BCR: variants seen among roughly 807,000 people sequenced by gnomAD.
BCR encodes BCR activator of RhoGEF and GTPase.
Under a neutral mutation model 138.6 loss-of-function variants are expected in BCR, and 58 were observed. The observed-to-expected ratio is 0.42, with a 90% CI of 0.34 to 0.52. The LOEUF (loss-of-function observed/expected upper bound fraction) is 0.52, where lower values mean the gene tolerates loss of function less well. Ranked by LOEUF, BCR falls within the 20% of genes least tolerant of loss-of-function variation. The pLI is 0.06. For synonymous variants in BCR, 786 were observed against 730.1 expected (o/e 1.08, Z -1.23); for missense variants, 1,599 against 1,727.2 (o/e 0.93, Z 1.32).
chr22:23,217,099 A>AT, intron 1 of BCR: 1 of 435,574 alleles, frequency 2.3e-6, no homozygotes, highest in Non-Finnish European at 4.6e-6. Flanking sequence ...CCACCACAGG[A>AT]TTTTAGTTAC....
chr22:23,205,279 C>T (rs146525067), intron 1 of BCR, among the ~76,000 whole-genome samples: 41 of 152,318 alleles, frequency 2.7e-4, no homozygotes, highest in Non-Finnish European at 4.9e-4. Context: ...AACGTTGTCA[C>T]TCCTGTGGGG....
chr22:23,214,751 C>T (rs371935872), intron 1 of BCR, among the ~76,000 whole-genome samples: 3 of 152,328 alleles, frequency 2.0e-5, no homozygotes, highest in African/African-American at 7.2e-5. Context: ...TTGTCCAAAC[C>T]TGCATTTGGA....
intron 1 of BCR, among the ~76,000 whole-genome samples, chr22:23,241,756 A>G (rs909340617): frequency 6.6e-6 from 1 of 152,102 alleles, no homozygotes; most frequent in Non-Finnish European, 1.5e-5. Flanking sequence ...TGGAGTGACC[A>G]TCGCAGAAGC....
At chr22:23,247,284 G>C (rs906174948) in intron 1 of BCR, among the ~76,000 whole-genome samples, 1 of 152,194 alleles carries the variant, frequency 6.6e-6, no homozygotes, top group Non-Finnish European at 1.5e-5. Flanking sequence ...CGAGCCACCG[G>C]ATGTTTGATC....
intron 16 of BCR, among the ~76,000 whole-genome samples, chr22:23,300,559 G>A (rs553736878): frequency 6.6e-6 from 1 of 152,280 alleles, no homozygotes; most frequent in South Asian, 2.1e-4. Context: ...GCTGTTGCCA[G>A]GCACATCCAT....
At chr22:23,213,558 C>T (rs2072712079) in intron 1 of BCR, among the ~76,000 whole-genome samples, 1 of 152,202 alleles carries the variant, frequency 6.6e-6, no homozygotes. Context: ...CGTGGTGGCT[C>T]ACGCCTGTAA....
At chr22:23,263,132 G>C in intron 4 of BCR, 1 of 707,856 alleles carries the variant, frequency 1.4e-6, no homozygotes, top group Non-Finnish European at 2.3e-6. Flanking sequence ...GGACAGGGGC[G>C]GCCATGGCGG....
At chr22:23,289,694 C>G in intron 13 of BCR, 73 bp downstream of exon 13, 1 of 1,308,968 alleles carries the variant, frequency 7.6e-7, no homozygotes, top group South Asian at 1.2e-5. Flanking sequence ...CTGATCCCCC[C>G]TTCCTGTTAG....
intron 16 of BCR, among the ~76,000 whole-genome samples, chr22:23,297,280 G>C (rs942583061): frequency 3.4e-5 from 5 of 148,022 alleles, no homozygotes; most frequent in Non-Finnish European, 5.9e-5. Flanking sequence ...GGAGTGCAGT[G>C]GTGTGATCTT....
chr22:23,287,289 G>A lies in BCR; in HGVS notation c.2526+11G>A, dbSNP rs5759680. 6.5e-7 allele frequency: 1 copy of A among 1,530,572 alleles called. No individual in the cohort carries two copies. Among genetic ancestry groups the A allele is most frequent in the African/African-American group, 1.4e-5 (1 of 72,900 alleles). The allele number at this position is 1,530,572 out of a possible 1,614,324, so 94.8% of individuals were successfully genotyped here. On this transcript the variant is annotated intron_variant, in intron 11 of 22. Coordinates refer to ENST00000305877, the MANE Select transcript of BCR (RefSeq NM_004327.4). Reference sequence around the variant, plus strand: ...AGCCGCAACGGCAAGGTGAGCGCCTGCTGTTCCGGCCCCTCCTGCTCTCCT... The same window carrying A: ...AGCCGCAACGGCAAGGTGAGCGCCTACTGTTCCGGCCCCTCCTGCTCTCCT...
At chr22:23,285,304 G>A (rs956629936) in intron 10 of BCR, 103 bp downstream of exon 10, 40 of 1,325,456 alleles carry the variant, frequency 3.0e-5, no homozygotes, top group Middle Eastern at 2.7e-4. Context: ...CTGGGCCCCA[G>A]GTCTGGTCTC....
chr22:23,315,797 TGG>T lies in BCR; in HGVS notation c.*277_*278del, dbSNP rs2074066003. 1 of 526,748 alleles carries T rather than the reference TGG, an allele frequency of 1.9e-6. No individual in the cohort carries two copies. Among genetic ancestry groups the T allele is most frequent in the Non-Finnish European group, 3.5e-6 (1 of 284,182 alleles). The allele number at this position is 526,748 out of a possible 1,614,324, so 32.6% of individuals were successfully genotyped here. On this transcript the variant is annotated 3_prime_UTR_variant, in exon 23 of 23. Transcript: ENST00000305877. Reference sequence around the variant, plus strand: ...TCATCTCGGAGTCCAGGCCTGGCCCTGGGAGACAGGGTGAAGGGAGTGGTTTT... The same window carrying T: ...TCATCTCGGAGTCCAGGCCTGGCCCTGAGACAGGGTGAAGGGAGTGGTTTT...
At chr22:23,269,155 G>A (rs980263051) in intron 5 of BCR, among the ~76,000 whole-genome samples, 3 of 152,254 alleles carry the variant, frequency 2.0e-5, no homozygotes, top group African/African-American at 7.2e-5. Context: ...CAGAGACCAT[G>A]AATGGGCCAT....
At position 23,283,981 on chromosome 22, in the gene BCR, G is replaced by T; in HGVS notation, c.2120G>T (p.Arg707Leu). 6.3e-7 allele frequency: 1 copy of T among 1,594,774 alleles called. No homozygotes were observed. The highest frequency in any genetic ancestry group is 8.5e-7 in the Non-Finnish European group (1 of 1,170,704). ...CAGCCTTCCCTGTGCCTGCAGCACCGGCAGCTGCTGAAGGACAGCTTCATG... is the reference window on the plus strand; with the variant it reads ...CAGCCTTCCCTGTGCCTGCAGCACCTGCAGCTGCTGAAGGACAGCTTCATG... Reference protein sequence around the residue: ...QSMTVKKGEHRQLLKDSFMVE... With the variant: ...QSMTVKKGEHLQLLKDSFMVE... Residue 707 changes from arginine to leucine, a missense_variant, in exon 9 of 23, where the codon CGG (arginine) becomes CTG (leucine). By Grantham distance (102) the Arg-to-Leu change is moderately radical. Coordinates refer to ENST00000305877, the MANE Select transcript of BCR (RefSeq NM_004327.4).
intron 1 of BCR, among the ~76,000 whole-genome samples, chr22:23,189,871 A>G (rs2146199187): frequency 6.6e-6 from 1 of 152,244 alleles, no homozygotes; most frequent in South Asian, 2.1e-4. Flanking sequence ...CTTCCGGAAA[A>G]CACCCGTTAG....
chr22:23,184,039 C>T (rs1444483903), intron 1 of BCR, among the ~76,000 whole-genome samples: 2 of 152,150 alleles, frequency 1.3e-5, no homozygotes, highest in East Asian at 3.9e-4. Context: ...CCTCAAGGTC[C>T]CACAGTCTCT....
At chr22:23,305,844 C>G (rs1430727649) in intron 16 of BCR, among the ~76,000 whole-genome samples, 15 of 152,188 alleles carry the variant, frequency 9.9e-5, no homozygotes, top group Non-Finnish European at 1.5e-5. Context: ...GACCTTGCAA[C>G]CCAGGGGGAC....
chr22:23,260,533 A>G (rs1229170444), intron 2 of BCR, among the ~76,000 whole-genome samples: 2 of 152,058 alleles, frequency 1.3e-5, no homozygotes, highest in Non-Finnish European at 2.9e-5. Flanking sequence ...TGGGGAGTGG[A>G]GTTTGGCTGC....
chr22:23,272,982 G>A, intron 6 of BCR, 99 bp from the exon 7 acceptor site: 1 of 1,347,152 alleles, frequency 7.4e-7, no homozygotes, highest in Non-Finnish European at 1.1e-6. Flanking sequence ...GTGGAGGCTG[G>A]GGCAGCCCCC....
Sources: gnomAD v4.1 joint callset for allele counts (sites outside exome capture counted in the v4.1 genomes callset) on GRCh38, gnomAD v4.1.1 for gene constraint, MANE v1.5 for transcripts, NCBI Gene and HGNC (gene_info 2026-07-23, HGNC 2026-07-21) for gene names.